UGDH: variants seen among roughly 807,000 people sequenced by gnomAD.
The protein encoded by UGDH is UDP-glucose 6-dehydrogenase.
Under a neutral mutation model 50.6 loss-of-function variants are expected in UGDH, and 38 were observed. The observed-to-expected ratio is 0.75, with a 90% confidence interval of 0.58 to 0.98. The LOEUF is 0.98. Ranked by LOEUF, UGDH falls within the 50% of genes least tolerant of loss-of-function variation. The pLI is 0.00. For synonymous variants in UGDH, 168 were observed against 199.9 expected (o/e 0.84, Z 1.35); for missense variants, 465 against 606.2 (o/e 0.77, Z 2.45).
Position 39,519,537 on chromosome 4 carries a change from A to AAT in UGDH, c.162+1812_162+1813dup, listed in dbSNP as rs201195708. On this transcript the variant is annotated intron_variant, in intron 2 of 11. Coordinates refer to ENST00000316423, the MANE Select transcript of UGDH (RefSeq NM_003359.4). The stretch of plus-strand genomic sequence containing the variant: ...ATTACCCTAAACCAAATATAGTAGT[A>AAT]ATATATATATATATATTTTGAGACG... 2.9e-4 allele frequency among the ~76,000 whole-genome samples: 44 copies of AAT among 151,160 alleles called. No individual in the cohort carries two copies. In the East Asian group the frequency reaches 4.1e-3, roughly 14 times the overall value.
intron 11 of UGDH, among the ~76,000 whole-genome samples, chr4:39,502,195 T>C (rs1745844805): frequency 6.6e-6 from 1 of 152,214 alleles, no homozygotes; most frequent in Non-Finnish European, 1.5e-5. Flanking sequence ...CTTTTAAAAA[T>C]AACATTCCTG....
In UGDH at chr4:39,527,381, C is replaced by G. The variant is rs1293140906; in HGVS notation, c.-106G>C. The G allele has an allele frequency of 2.7e-5, 7 of 259,224 alleles. No individual in the cohort carries two copies. The highest frequency in any genetic ancestry group is 1.6e-4 in the African/African-American group (7 of 43,352). The allele number at this position is 259,224 out of a possible 1,614,324, so 16.1% of individuals were successfully genotyped here. On this transcript the variant is annotated 5_prime_UTR_variant, in exon 1 of 12. Coordinates refer to ENST00000316423, the MANE Select transcript of UGDH (RefSeq NM_003359.4). ...CGCCGCAGCTTCTCCACCCGCGCCC[C>G]GCTCGATCTGAGCTCCCTCTCGGCG... is the stretch of plus-strand genomic sequence containing the variant.
intron 2 of UGDH, 43 bp downstream of exon 2, chr4:39,521,308 T>C (rs528175607): frequency 3.3e-5 from 50 of 1,531,770 alleles, no homozygotes; most frequent in East Asian, 4.7e-5. Flanking sequence ...ATAAAGACAG[T>C]AAGAAAAAAG....
chr4:39,506,596 G>T (rs1746039194), intron 7 of UGDH, among the ~76,000 whole-genome samples: 1 of 152,184 alleles, frequency 6.6e-6, no homozygotes, highest in African/African-American at 2.4e-5. Flanking sequence ...ATTTGACAAG[G>T]TTTTTTAACT....
intron 6 of UGDH, among the ~76,000 whole-genome samples, chr4:39,509,403 A>G (rs1282602352): frequency 6.6e-6 from 1 of 152,194 alleles, no homozygotes; most frequent in Non-Finnish European, 1.5e-5. Context: ...AGCCATAGAC[A>G]ATATGTAGTC....
chr4:39,526,973 G>C (rs1430158419), intron 1 of UGDH: 1 of 1,277,422 alleles, frequency 7.8e-7, no homozygotes, highest in African/African-American at 1.5e-5. Context: ...GTGGGCGTTC[G>C]GCTTTGGAGG....
At chr4:39,501,626 C>T (rs570097482) in intron 11 of UGDH, among the ~76,000 whole-genome samples, 1 of 152,290 alleles carries the variant, frequency 6.6e-6, no homozygotes, top group East Asian at 1.9e-4. Context: ...CAGCTGGAAT[C>T]CTGACTGGCA....
chr4:39,519,727 A>T (rs1414310086), intron 2 of UGDH, among the ~76,000 whole-genome samples: 2 of 151,712 alleles, frequency 1.3e-5, no homozygotes, highest in African/African-American at 4.8e-5. Context: ...TTTAGTAGAG[A>T]CGGGCTTTCA....
At chr4:39,512,917 G>T (rs563706208) in intron 3 of UGDH, among the ~76,000 whole-genome samples, 1 of 151,422 alleles carries the variant, frequency 6.6e-6, no homozygotes, top group East Asian at 1.9e-4. Context: ...AACCTCCAGG[G>T]TTCAATCAAT....
Position 39,500,969 on chromosome 4 carries a change from C to CTT in UGDH, c.1375-718_1375-717dup, listed in dbSNP as rs751650150. On this transcript the variant is annotated intron_variant, in intron 11 of 11. Transcript: ENST00000316423. ...GTGCCCGAATGGTAACAGCATAATG[C>CTT]TTTTTTTTTTTTTGAGATGGAGTCT... Among the ~76,000 whole-genome samples, 26 of 115,804 alleles carry CTT rather than the reference C, an allele frequency of 2.2e-4. No individual in the cohort carries two copies. The South Asian group carries it at 5.6e-3, about 25-fold the overall frequency. The allele number at this position is 115,804 out of a possible 152,430, so 76.0% of individuals were successfully genotyped here.
In UGDH at chr4:39,499,574, T is replaced by A. The variant is rs1181776571; in HGVS notation, c.*569A>T. 6.6e-6 allele frequency: 1 copy of A among 152,224 alleles called. No homozygotes were observed. The highest frequency in any genetic ancestry group is 1.5e-5 in the Non-Finnish European group (1 of 68,054). The allele number at this position is 152,224 out of a possible 1,614,324, so 9.4% of individuals were successfully genotyped here. On this transcript the variant is annotated 3_prime_UTR_variant, in exon 12 of 12. Coordinates refer to ENST00000316423, the MANE Select transcript of UGDH (RefSeq NM_003359.4). ...ATTTTTATTTTACAAAAATTGACACTATTAAAACCAACATGATTATCTTTC... is the reference window on the plus strand; with the variant it reads ...ATTTTTATTTTACAAAAATTGACACAATTAAAACCAACATGATTATCTTTC...
chr4:39,504,350 A>T, intron 10 of UGDH, 67 bp downstream of exon 10: 1 of 1,435,612 alleles, frequency 7.0e-7, no homozygotes, highest in Non-Finnish European at 9.8e-7. Flanking sequence ...ACATGAACAC[A>T]TACTCAACCC....
At chr4:39,505,561 T>G in intron 8 of UGDH, 57 bp downstream of exon 8, 1 of 1,456,874 alleles carries the variant, frequency 6.9e-7, no homozygotes, top group Non-Finnish European at 9.1e-7. Context: ...ATCAAAAAAT[T>G]AAGATGAGGA....
At chr4:39,517,302 A>G (rs1746475520) in intron 2 of UGDH, among the ~76,000 whole-genome samples, 1 of 151,572 alleles carries the variant, frequency 6.6e-6, no homozygotes, top group Admixed American at 6.6e-5. Context: ...TCCTGGGTTC[A>G]AGCGATTCTC....
intron 9 of UGDH, 80 bp from the exon 10 acceptor site, chr4:39,504,588 G>C (rs1745957746): frequency 4.8e-6 from 6 of 1,249,450 alleles, no homozygotes; most frequent in Admixed American, 2.0e-5. Flanking sequence ...CTTATCTGCA[G>C]GGATACATTC....
chr4:39,506,950 G>A (rs1329423604), intron 7 of UGDH, among the ~76,000 whole-genome samples: 1 of 152,140 alleles, frequency 6.6e-6, no homozygotes, highest in Non-Finnish European at 1.5e-5. Context: ...TTGAGCCCAA[G>A]AGTTGGAATC....
chr4:39,518,870 T>A (rs938564081), intron 2 of UGDH, among the ~76,000 whole-genome samples: 2 of 152,240 alleles, frequency 1.3e-5, no homozygotes, highest in Non-Finnish European at 2.9e-5. Flanking sequence ...CTTGGTATTG[T>A]CAGTAATATC....
At chr4:39,504,334 A>C in intron 10 of UGDH, 83 bp downstream of exon 10, 1 of 1,298,930 alleles carries the variant, frequency 7.7e-7, no homozygotes, top group Non-Finnish European at 1.1e-6. Context: ...AAACAAAAAA[A>C]CACATACATG....
At chr4:39,501,989 T>C (rs376413819) in intron 11 of UGDH, among the ~76,000 whole-genome samples, 1 of 152,224 alleles carries the variant, frequency 6.6e-6, no homozygotes, top group African/African-American at 2.4e-5. Context: ...CTGCTTTATA[T>C]TAACCAGTTG....
Sources: gnomAD v4.1 joint callset for allele counts (sites outside exome capture counted in the v4.1 genomes callset) on GRCh38, gnomAD v4.1.1 for gene constraint, MANE v1.5 for transcripts, NCBI Gene and HGNC (gene_info 2026-07-23, HGNC 2026-07-21) for gene names.